The following TUSC3 variants were observed in gnomAD, a reference collection of about 807,000 sequenced individuals.
TUSC3 encodes the protein tumor suppressor candidate 3, also known as dolichyl-diphosphooligosaccharide--protein glycosyltransferase subunit TUSC3.
TUSC3 carries 45 observed loss-of-function variants against 44.8 expected under a neutral mutation model. The ratio of observed to expected loss-of-function variants is 1.00; its 90% CI spans 0.79 to 1.29. The LOEUF (loss-of-function observed/expected upper bound fraction) is 1.29. Among genes scored for constraint, TUSC3 ranks in the 50% most tolerant of loss-of-function variants. The pLI is 0.00. For synonymous variants in TUSC3, 212 were observed against 152.9 expected (o/e 1.39, Z -2.85); for missense variants, 519 against 437.9 (o/e 1.19, Z -1.65).
intron 6 of TUSC3, among the ~76,000 whole-genome samples, chr8:15,682,430 C>T (rs1314270201): frequency 2.6e-5 from 4 of 152,122 alleles, no homozygotes; most frequent in Non-Finnish European, 5.9e-5. Context: ...CCTTCTTTGT[C>T]CTTTTTTAAC....
At chr8:15,481,303 C>A (rs940796997) in intron 1 of TUSC3, among the ~76,000 whole-genome samples, 1 of 150,716 alleles carries the variant, frequency 6.6e-6, no homozygotes, top group African/African-American at 2.4e-5. Flanking sequence ...GCCATGAAGG[C>A]TCTGCCGTCA....
chr8:15,517,472 T>G (rs79094115), intron 2 of TUSC3, among the ~76,000 whole-genome samples: 4,832 of 131,298 alleles, frequency 0.037, 244 homozygotes, highest in African/African-American at 0.14. Context: ...TGGTAAATAA[T>G]GACTGAAAAT....
rs552886306 is a variant in TUSC3, at chr8:15,681,240, G to A, written c.798+7404G>A. Among the ~76,000 whole-genome samples the A allele has an allele frequency of 2.0e-5, 3 of 149,232 alleles. No homozygotes were observed. The East Asian group carries it at 5.9e-4, about 29-fold the overall frequency. On this transcript the variant is annotated intron_variant, in intron 6 of 10. Transcript: ENST00000503731. The stretch of plus-strand genomic sequence containing the variant: ...CTCCTTTTTTTTTGGAATAGTTTCA[G>A]TAGGATTGGTACCAGTTCTTCTTTA...
chr8:15,659,196 CT>C (rs1346720306), intron 3 of TUSC3, among the ~76,000 whole-genome samples: 6 of 151,808 alleles, frequency 4.0e-5, no homozygotes, highest in African/African-American at 1.2e-4. Flanking sequence ...CTTTCAGTCA[CT>C]TTTTTTTACC....
At chr8:15,576,479 A>T (rs1436421910) in intron 1 of TUSC3, among the ~76,000 whole-genome samples, 2 of 93,082 alleles carry the variant, frequency 2.1e-5, no homozygotes, top group Admixed American at 1.6e-4. Context: ...ACCCCACCAC[A>T]GTCCCCAGAG....
intron 6 of TUSC3, among the ~76,000 whole-genome samples, chr8:15,726,402 G>C (rs1009014355): frequency 5.9e-5 from 9 of 151,920 alleles, no homozygotes; most frequent in Non-Finnish European, 1.2e-4. Flanking sequence ...ATAAAATTGG[G>C]CTTTAAGTAA....
At chr8:15,644,545 C>T (rs1340832998) in intron 2 of TUSC3, among the ~76,000 whole-genome samples, 1 of 152,138 alleles carries the variant, frequency 6.6e-6, no homozygotes, top group East Asian at 1.9e-4. Context: ...CTGACAGAAA[C>T]ATATTCAAGG....
intron 6 of TUSC3, among the ~76,000 whole-genome samples, chr8:15,723,990 G>A (rs1337176299): frequency 3.3e-5 from 5 of 152,062 alleles, no homozygotes; most frequent in East Asian, 3.9e-4. Context: ...CCTTAACCCC[G>A]CAGTGTGACT....
chr8:15,598,186 C>A (rs66532053), intron 1 of TUSC3, among the ~76,000 whole-genome samples: 28,625 of 151,810 alleles, frequency 0.19, 3,525 homozygotes, highest in Non-Finnish European at 0.27. Context: ...CTTATCTCTT[C>A]CCTGTCCTTG....
At chr8:15,532,362 G>C (rs1456801759) in intron 2 of TUSC3, among the ~76,000 whole-genome samples, 1 of 152,148 alleles carries the variant, frequency 6.6e-6, no homozygotes, top group Non-Finnish European at 1.5e-5. Flanking sequence ...TGTGGAGGCT[G>C]AGAAGTACCT....
intron 2 of TUSC3, among the ~76,000 whole-genome samples, chr8:15,513,120 A>T (rs1801164772): frequency 6.6e-6 from 1 of 151,678 alleles, no homozygotes; most frequent in Non-Finnish European, 1.5e-5. Flanking sequence ...CCTAAACAGT[A>T]AATGAAAATA....
chr8:15,825,964 C>G, the TUSC3 span, among the ~76,000 whole-genome samples: 1 of 144,322 alleles, frequency 6.9e-6, no homozygotes. Context: ...AATTCATGTA[C>G]AGACTTGAAC....
intron 6 of TUSC3, among the ~76,000 whole-genome samples, chr8:15,699,907 T>C (rs540576591): frequency 6.6e-6 from 1 of 152,282 alleles, no homozygotes; most frequent in Admixed American, 6.5e-5. Flanking sequence ...AGCAAAAGCC[T>C]CTATATAATG....
intron 7 of TUSC3, among the ~76,000 whole-genome samples, chr8:15,736,299 A>C (rs1303857578): frequency 6.6e-6 from 1 of 152,168 alleles, no homozygotes; most frequent in Admixed American, 6.5e-5. Context: ...CAAATGTCCA[A>C]AATTCAGTAG....
At chr8:15,637,428 T>C (rs1316619382) in intron 2 of TUSC3, among the ~76,000 whole-genome samples, 1 of 152,166 alleles carries the variant, frequency 6.6e-6, no homozygotes, top group Non-Finnish European at 1.5e-5. Flanking sequence ...ATATCGTCTT[T>C]TGTTTTTTAT....
chr8:15,525,375 G>A (rs887039420), intron 2 of TUSC3, among the ~76,000 whole-genome samples: 2 of 152,156 alleles, frequency 1.3e-5, no homozygotes, highest in African/African-American at 4.8e-5. Flanking sequence ...GGTAAGGTGA[G>A]TAGAACAAGT....
intron 6 of TUSC3, among the ~76,000 whole-genome samples, chr8:15,730,177 C>T (rs1433337392): frequency 6.6e-6 from 1 of 151,868 alleles, no homozygotes; most frequent in East Asian, 1.9e-4. Context: ...AGGGTGAAAA[C>T]AATTTTAATA....
chr8:15,846,888 A>AAC, the TUSC3 span, among the ~76,000 whole-genome samples: 1 of 151,634 alleles, frequency 6.6e-6, no homozygotes, highest in Non-Finnish European at 1.5e-5. Context: ...AAAAAAAAAA[A>AAC]AACACACACA....
intron 6 of TUSC3, among the ~76,000 whole-genome samples, chr8:15,712,254 T>G (rs185901528): frequency 6.6e-6 from 1 of 152,134 alleles, no homozygotes; most frequent in East Asian, 1.9e-4. Flanking sequence ...AATTTCCTTG[T>G]TTTAATGCTT....
Sources: gnomAD v4.1 joint callset for allele counts (sites outside exome capture counted in the v4.1 genomes callset) on GRCh38, gnomAD v4.1.1 for gene constraint, MANE v1.5 for transcripts, NCBI Gene and HGNC (gene_info 2026-07-23, HGNC 2026-07-21) for gene names.